Variants in BTNL8 observed in about 807,000 individuals in gnomAD.
BTNL8 encodes the protein butyrophilin-like protein 8.
In BTNL8, 22 loss-of-function variants were observed where a neutral mutation model predicts 36.1. That is an observed-to-expected ratio of 0.61 (90% confidence interval 0.44 to 0.87). The LOEUF (loss-of-function observed/expected upper bound fraction) is 0.87, where lower values mean the gene tolerates loss of function less well. Among genes scored for constraint, BTNL8 ranks in the 40% least tolerant of loss-of-function variants. BTNL8 has a pLI of 0.00. For synonymous variants in BTNL8, 203 were observed against 235.6 expected, an observed-to-expected ratio of 0.86 and a Z score of 1.27; for missense variants, 526 against 616.9, an observed-to-expected ratio of 0.85 and a Z score of 1.56.
chr5:180,940,318 G>A (rs1440946036), intron 3 of BTNL8, among the ~76,000 whole-genome samples: 11 of 148,822 alleles, frequency 7.4e-5, no homozygotes, highest in Non-Finnish European at 5.9e-5. Context: ...CAGCCTGGGC[G>A]ACAGAGCAAG....
At chr5:180,933,043 G>A in intron 3 of BTNL8, among the ~76,000 whole-genome samples, 1 of 147,852 alleles carries the variant, frequency 6.8e-6, no homozygotes, top group Admixed American at 6.7e-5. Context: ...ACTTATATGA[G>A]ACAAAATAGA....
Position 180,935,700 on chromosome 5 carries a change from TG to T in BTNL8, c.674-11810del, listed in dbSNP as rs1484714204. Among the ~76,000 whole-genome samples the T allele has an allele frequency of 6.6e-6, 1 of 152,074 alleles. No homozygotes were observed. Among genetic ancestry groups the T allele is most frequent in the Non-Finnish European group, 1.5e-5 (1 of 67,988 alleles). ...GCACAGGACTCCTGCCCCGTGGACT[TG>T]GTAGAGAGTGGGGCTCCCCCCATTC... On this transcript the variant is annotated intron_variant, in intron 3 of 7. Coordinates refer to ENST00000340184, the MANE Select transcript of BTNL8 (RefSeq NM_001040462.3). The surrounding 1 kb of genome is among the most constrained non-coding windows in gnomAD (Gnocchi z 4.8).
chr5:180,914,880 G>T (rs916280526), intron 3 of BTNL8, among the ~76,000 whole-genome samples: 1 of 152,112 alleles, frequency 6.6e-6, no homozygotes. Context: ...CCTTCTACCC[G>T]CCTCACTGCT....
intron 3 of BTNL8, among the ~76,000 whole-genome samples, chr5:180,946,948 A>C (rs1485741220): frequency 6.6e-6 from 1 of 152,226 alleles, no homozygotes; most frequent in Non-Finnish European, 1.5e-5. Context: ...AGATGCAAAT[A>C]TTTTAAGACA....
At chr5:180,901,419 T>C (rs961454538) in intron 1 of BTNL8, among the ~76,000 whole-genome samples, 1 of 152,168 alleles carries the variant, frequency 6.6e-6, no homozygotes, top group African/African-American at 2.4e-5. Flanking sequence ...CTGTGGTCTC[T>C]AAGAAGCAGT....
chr5:180,950,432 A>C lies in BTNL8; in HGVS notation c.1391A>C (p.Gln464Pro), dbSNP rs1334015735. ...CCCATAGTCATCTGCCCAGTCACCCAGGAATCAGAGAAAGAGGCCTCTTGG... is the reference window on the plus strand; with the variant it reads ...CCCATAGTCATCTGCCCAGTCACCCCGGAATCAGAGAAAGAGGCCTCTTGG... ...GTPIVICPVTQESEKEASWQR... is the reference protein window; with the variant it reads ...GTPIVICPVTPESEKEASWQR... The change falls in exon 8 of 8, where the codon CAG becomes CCG. Residue 464 changes from glutamine to proline, a missense_variant. Gln to Pro is a moderately conservative substitution (Grantham distance 76, BLOSUM62 -1). This residue lies in a region of BTNL8 where 176 missense variants were observed against 292.3 expected (regional missense o/e 0.60). Coordinates refer to ENST00000340184, the MANE Select transcript of BTNL8 (RefSeq NM_001040462.3). 2 of 1,463,970 alleles carry C rather than the reference A, an allele frequency of 1.4e-6. No homozygotes were observed. Among genetic ancestry groups the C allele is most frequent in the African/African-American group, 1.4e-5 (1 of 72,672 alleles). 90.7% of individuals were successfully genotyped at this position (1,463,970 alleles called of 1,614,324 possible).
At chr5:180,928,893 TAGAC>T (rs1172629214) in intron 3 of BTNL8, among the ~76,000 whole-genome samples, 1 of 152,154 alleles carries the variant, frequency 6.6e-6, no homozygotes, top group East Asian at 1.9e-4. Context: ...CTGTCAGTAT[TAGAC>T]AGATCAACGA....
intron 3 of BTNL8, among the ~76,000 whole-genome samples, chr5:180,924,797 G>A (rs1396778324): frequency 6.6e-6 from 1 of 152,134 alleles, no homozygotes; most frequent in African/African-American, 2.4e-5. Context: ...AACTAATAAT[G>A]CTCCGGTAAT....
chr5:180,947,600 G>C lies in BTNL8; in HGVS notation c.762G>C (p.Leu254=), dbSNP rs1008964349. The C allele has an allele frequency of 1.9e-6, 3 of 1,614,196 alleles. No individual in the cohort carries two copies. The highest frequency in any genetic ancestry group is 2.5e-6 in the Non-Finnish European group (3 of 1,180,024). ...CCGLFFGIVG[L]KIFFSKFQWK... ...GCCTATTTTTTGGCATTGTTGGACT[G>C]AAGATTTTCTTCTCCAAATTCCAGT... is the stretch of plus-strand genomic sequence containing the variant. Residue 254 remains leucine, a synonymous_variant, in exon 4 of 8, where the codon CTG becomes CTC. Transcript: ENST00000340184.
In BTNL8 at chr5:180,925,756, T is replaced by C. The variant is rs553163110; in HGVS notation, c.673+14142T>C. 3.9e-5 allele frequency among the ~76,000 whole-genome samples: 6 copies of C among 152,300 alleles called. No homozygotes were observed. The East Asian group carries it at 9.6e-4, about 24-fold the overall frequency. ...TATAGTCATATTCAGAATTCTCTAA[T>C]ACAGTAAGGGTGGTATTTAAAGCTA... On this transcript the variant is annotated intron_variant, in intron 3 of 7. Transcript: ENST00000340184.
chr5:180,899,314 G>A lies in BTNL8; in HGVS notation c.4G>A (p.Ala2Thr). 6.2e-7 allele frequency: 1 copy of A among 1,614,136 alleles called. No individual in the cohort carries two copies. Residue 2 changes from alanine to threonine, a missense_variant, in exon 1 of 8, where the codon GCT (alanine) becomes ACT (threonine). Transcript: ENST00000340184. M[A>T]LMLSLVLSLL... ...GGTCCATTCACAGAACACATCCATG[G>A]CTCTCATGCTCAGTTTGGTTCTGAG...
intron 3 of BTNL8, among the ~76,000 whole-genome samples, chr5:180,923,567 T>C (rs914072717): frequency 3.3e-5 from 5 of 152,048 alleles, no homozygotes; most frequent in African/African-American, 1.2e-4. Flanking sequence ...TGATACATCA[T>C]GGTAGGAGGT....
chr5:180,905,938 T>C (rs1174224947), intron 1 of BTNL8, among the ~76,000 whole-genome samples: 2 of 126,620 alleles, frequency 1.6e-5, no homozygotes, highest in African/African-American at 7.5e-5. Context: ...GAGCTTTACT[T>C]CCAGTATGTG....
intron 3 of BTNL8, among the ~76,000 whole-genome samples, chr5:180,926,826 G>A (rs1277703356): frequency 6.6e-6 from 1 of 152,212 alleles, no homozygotes; most frequent in Non-Finnish European, 1.5e-5. Flanking sequence ...CCCCAGTCAA[G>A]GGCTTAGAGA....
chr5:180,901,623 G>C (rs6895149), intron 1 of BTNL8, among the ~76,000 whole-genome samples: 58,878 of 152,030 alleles, frequency 0.39, 13,032 homozygotes, highest in African/African-American at 0.61. Flanking sequence ...CCTGTCCCCA[G>C]AGAGCCAAGA....
chr5:180,921,696 G>C (rs200083341), intron 3 of BTNL8, among the ~76,000 whole-genome samples: 34 of 123,286 alleles, frequency 2.8e-4, no homozygotes, highest in African/African-American at 9.0e-4. Flanking sequence ...CACACACACA[G>C]ACACACACAC....
intron 3 of BTNL8, among the ~76,000 whole-genome samples, chr5:180,933,083 A>G (rs1431792845): frequency 6.6e-6 from 1 of 152,162 alleles, no homozygotes; most frequent in Non-Finnish European, 1.5e-5. Flanking sequence ...AAAAGAGAAA[A>G]AGGTCATTAT....
At chr5:180,947,734 C>T (rs1377823528) in intron 4 of BTNL8, 109 bp downstream of exon 4, 2 of 1,614,064 alleles carry the variant, frequency 1.2e-6, no homozygotes, top group Admixed American at 3.3e-5. Context: ...GTCCTAGCCT[C>T]CAGGGGCCCA....
chr5:180,917,763 G>A lies in BTNL8; in HGVS notation c.673+6149G>A, dbSNP rs372511976. Reference sequence around the variant, plus strand: ...CAAAAAATTAGCTGGGCGTGGTGGCGGGTGCCTGTAATCCCAGCACTCTGG... The same window carrying A: ...CAAAAAATTAGCTGGGCGTGGTGGCAGGTGCCTGTAATCCCAGCACTCTGG... On this transcript the variant is annotated intron_variant, in intron 3 of 7. Coordinates refer to ENST00000340184, the MANE Select transcript of BTNL8 (RefSeq NM_001040462.3). 2.1e-3 allele frequency among the ~76,000 whole-genome samples: 193 copies of A among 89,982 alleles called. 3 individuals are homozygous for A. The South Asian group carries it at 0.042, about 20-fold the overall frequency. The allele number at this position is 89,982 out of a possible 152,430, so 59.0% of individuals were successfully genotyped here. A position where few individuals can be genotyped will look rare whatever the true frequency, so the allele number is the denominator to read the frequency against.
Sources: allele counts gnomAD v4.1 joint callset (sites outside exome capture counted in the v4.1 genomes callset), GRCh38; gene constraint gnomAD v4.1.1; regional missense constraint gnomAD v4.1.1; non-coding constraint Gnocchi (gnomAD v3.1); transcripts MANE v1.5; gene names NCBI Gene and HGNC (gene_info 2026-07-23, HGNC 2026-07-21).